Variants in MAF observed in about 807,000 individuals in gnomAD.
The protein encoded by MAF is transcription factor Maf.
A neutral mutation model predicts 22.0 loss-of-function variants in MAF; 10 were observed. That is an observed-to-expected ratio of 0.45 (90% CI 0.28 to 0.77). MAF has a LOEUF of 0.77. MAF is among the 30% of genes least tolerant of loss of function. MAF has a pLI of 0.12. For synonymous variants in MAF, 337 were observed against 255.8 expected, an observed-to-expected ratio of 1.32 and a Z score of -3.03; for missense variants, 544 against 548.4, an observed-to-expected ratio of 0.99 and a Z score of 0.08.
chr16:79,357,253 CACAACAACAACAACA>C, the MAF span, among the ~76,000 whole-genome samples: 7,115 of 146,016 alleles, frequency 0.049, 331 homozygotes, highest in East Asian at 0.18. Context: ...AAGACTCTGT[CACAACAACAACAACA>C]ACAACAACAA....
the MAF span, among the ~76,000 whole-genome samples, chr16:79,469,445 T>C: frequency 6.6e-6 from 1 of 152,212 alleles, no homozygotes; most frequent in African/African-American, 2.4e-5. Context: ...GTTACCTCTC[T>C]GATCTCAATT....
At chr16:79,326,721 G>A in the MAF span, among the ~76,000 whole-genome samples, 3 of 152,172 alleles carry the variant, frequency 2.0e-5, no homozygotes, top group Non-Finnish European at 2.9e-5. Context: ...GCATGGCTGT[G>A]TTCCAATAAA....
At chr16:79,404,096 C>A in the MAF span, among the ~76,000 whole-genome samples, 1 of 152,060 alleles carries the variant, frequency 6.6e-6, no homozygotes, top group East Asian at 1.9e-4. Flanking sequence ...CCATTTTTAA[C>A]CAGAACCTAC....
chr16:79,425,759 T>C, the MAF span, among the ~76,000 whole-genome samples: 3 of 152,210 alleles, frequency 2.0e-5, no homozygotes, highest in Admixed American at 2.0e-4. Flanking sequence ...ATTCAGTCCT[T>C]CCAATCCTGT....
chr16:79,426,210 G>GAA, the MAF span, among the ~76,000 whole-genome samples: 34,646 of 146,848 alleles, frequency 0.24, 5,178 homozygotes, highest in African/African-American at 0.43. Context: ...CATCTCAAAA[G>GAA]AAAAAAAAAA....
the MAF span, among the ~76,000 whole-genome samples, chr16:79,471,760 G>A: frequency 6.6e-6 from 1 of 152,286 alleles, no homozygotes; most frequent in South Asian, 2.1e-4. Context: ...TAGGACAGCT[G>A]ATAAGTGGTC....
At chr16:79,427,261 T>A in the MAF span, among the ~76,000 whole-genome samples, 2 of 152,254 alleles carry the variant, frequency 1.3e-5, no homozygotes, top group East Asian at 3.9e-4. Flanking sequence ...GAGCCCATGT[T>A]TGGAAAGAGC....
chr16:79,389,861 A>G, the MAF span, among the ~76,000 whole-genome samples: 1 of 150,842 alleles, frequency 6.6e-6, no homozygotes, highest in Non-Finnish European at 1.5e-5. Context: ...CTGTAGTCCC[A>G]GCTACTAGGG....
At chr16:79,376,508 ATTATT>A in the MAF span, among the ~76,000 whole-genome samples, 97 of 152,144 alleles carry the variant, frequency 6.4e-4, 1 homozygote, top group East Asian at 8.7e-3. Flanking sequence ...TTGAGAATAC[ATTATT>A]TTATTTTATT....
At chr16:79,525,087 C>G in the MAF span, among the ~76,000 whole-genome samples, 1 of 152,180 alleles carries the variant, frequency 6.6e-6, no homozygotes, top group South Asian at 2.1e-4. Context: ...CAGCACGATT[C>G]TGAAAATATA....
At chr16:79,479,188 C>T in the MAF span, among the ~76,000 whole-genome samples, 3 of 152,174 alleles carry the variant, frequency 2.0e-5, no homozygotes, top group Admixed American at 6.5e-5. Flanking sequence ...TCGTGCACCA[C>T]CCCAGCATAC....
chr16:79,369,066 C>G, the MAF span, among the ~76,000 whole-genome samples: 1 of 152,210 alleles, frequency 6.6e-6, no homozygotes, highest in African/African-American at 2.4e-5. Flanking sequence ...GGACACACAG[C>G]AAGAGCCCAA....
the MAF span, among the ~76,000 whole-genome samples, chr16:79,579,254 C>A: frequency 2.6e-5 from 4 of 152,086 alleles, no homozygotes; most frequent in African/African-American, 7.2e-5. Context: ...ATTAGAAGTT[C>A]ATTAAAGAAA....
At chr16:79,372,636 G>A in the MAF span, among the ~76,000 whole-genome samples, 2 of 152,140 alleles carry the variant, frequency 1.3e-5, no homozygotes, top group African/African-American at 2.4e-5. Context: ...GCGGTCTGGC[G>A]GGTGAGCCCC....
the MAF span, among the ~76,000 whole-genome samples, chr16:79,442,730 A>C: frequency 2.6e-5 from 4 of 152,206 alleles, no homozygotes; most frequent in Non-Finnish European, 4.4e-5. Context: ...TTCATATAAG[A>C]AATTCCATCT....
chr16:79,436,981 G>C, the MAF span, among the ~76,000 whole-genome samples: 22 of 152,190 alleles, frequency 1.4e-4, no homozygotes, highest in East Asian at 3.9e-4. Context: ...CTGACTATTT[G>C]TTCAGAAATC....
the MAF span, among the ~76,000 whole-genome samples, chr16:79,477,055 T>C: frequency 2.0e-5 from 3 of 152,002 alleles, no homozygotes; most frequent in East Asian, 3.9e-4. Flanking sequence ...ACAAGGCCAA[T>C]AGAAGTCCCC....
At chr16:79,457,331 G>A in the MAF span, among the ~76,000 whole-genome samples, 25,561 of 151,040 alleles carry the variant, frequency 0.17, 2,421 homozygotes, top group East Asian at 0.26. Flanking sequence ...CTTCATGGGA[G>A]ATGTAAAACA....
chr16:79,319,524 G>C, the MAF span, among the ~76,000 whole-genome samples: 1 of 152,170 alleles, frequency 6.6e-6, no homozygotes, highest in Admixed American at 6.5e-5. Context: ...TTTACTCACA[G>C]AAATAGAAAA....
Sources: gnomAD v4.1 joint callset for allele counts (sites outside exome capture counted in the v4.1 genomes callset) on GRCh38, gnomAD v4.1.1 for gene constraint, MANE v1.5 for transcripts, NCBI Gene and HGNC (gene_info 2026-07-23, HGNC 2026-07-21) for gene names.